Variants in OGDH observed in about 807,000 individuals in gnomAD.
The protein encoded by OGDH is oxoglutarate dehydrogenase.
Under a neutral mutation model 116.6 loss-of-function variants are expected in OGDH, and 38 were observed. The observed-to-expected ratio is 0.33, with a 90% CI of 0.25 to 0.43. The LOEUF is 0.43. Among genes scored for constraint, OGDH ranks in the 20% least tolerant of loss-of-function variants. The probability of loss-of-function intolerance (pLI) is 1.00; values close to 1 mark genes in which losing one functional copy is unlikely to be tolerated. For missense variants in OGDH, 825 were observed against 1,357.2 expected (o/e 0.61, Z 6.16); for synonymous variants, 488 against 533.3 (o/e 0.92, Z 1.17).
chr7:44,673,142 G>A (rs1190920111), intron 5 of OGDH, among the ~76,000 whole-genome samples: 3 of 151,992 alleles, frequency 2.0e-5, no homozygotes, highest in Admixed American at 2.0e-4. Context: ...GAGGCAGAAG[G>A]ATCATTTGAG....
At chr7:44,647,297 C>T in intron 3 of OGDH, 2 of 605,208 alleles carry the variant, frequency 3.3e-6, no homozygotes, top group South Asian at 4.1e-5. Flanking sequence ...ATAAGTTATT[C>T]CAAGACTTTT....
In OGDH at chr7:44,654,254, C is replaced by T. The variant is rs140476358; in HGVS notation, c.517+6495C>T. Among the ~76,000 whole-genome samples the T allele has an allele frequency of 5.8e-3, 880 of 152,256 alleles. 10 individuals are homozygous for T. The highest frequency in any genetic ancestry group is 0.019 in the African/African-American group (803 of 41,534). ...AAGTGTGAAACTTCTCTCCCATTTA[C>T]CATTGATGTTTACAAATTGCTAATA... is the stretch of plus-strand genomic sequence containing the variant. On this transcript the variant is annotated intron_variant, in intron 4 of 22. Coordinates refer to ENST00000222673, the MANE Select transcript of OGDH (RefSeq NM_002541.4).
At chr7:44,613,505 G>T (rs968367263) in intron 1 of OGDH, among the ~76,000 whole-genome samples, 1 of 151,278 alleles carries the variant, frequency 6.6e-6, no homozygotes, top group African/African-American at 2.4e-5. Flanking sequence ...GACTATAGGC[G>T]CCCACCACCA....
rs554867311 is a variant in OGDH, at chr7:44,640,444, TTTTTG to T, written c.223-4868_223-4864del. Among the ~76,000 whole-genome samples the T allele has an allele frequency of 7.6e-3, 1,159 of 152,254 alleles. 2 individuals are homozygous for T. The highest frequency in any genetic ancestry group is 9.4e-3 in the African/African-American group (391 of 41,536). On this transcript the variant is annotated intron_variant, in intron 2 of 22. Coordinates refer to ENST00000222673, the MANE Select transcript of OGDH (RefSeq NM_002541.4). ...TATCCCTGCTGCTATTGGTGGGTTT[TTTTTG>T]TTTTGTTTTGTTTTACTATTTTAAT...
At chr7:44,685,595 A>C (rs1415935617) in intron 10 of OGDH, among the ~76,000 whole-genome samples, 1 of 151,974 alleles carries the variant, frequency 6.6e-6, no homozygotes, top group Non-Finnish European at 1.5e-5. Flanking sequence ...ATGTCTGTCC[A>C]TATATCTCTT....
At chr7:44,625,369 C>T (rs1785165554) in intron 2 of OGDH, among the ~76,000 whole-genome samples, 1 of 152,182 alleles carries the variant, frequency 6.6e-6, no homozygotes. Flanking sequence ...AAGTGATCCA[C>T]CCACCTTGGC....
intron 4 of OGDH, among the ~76,000 whole-genome samples, chr7:44,655,600 G>A (rs1786654393): frequency 6.6e-6 from 1 of 152,194 alleles, no homozygotes; most frequent in Admixed American, 6.5e-5. Flanking sequence ...CCATCCCCCA[G>A]GCCCACAAGC....
intron 2 of OGDH, among the ~76,000 whole-genome samples, chr7:44,633,246 CTG>C (rs905636225): frequency 2.0e-5 from 2 of 102,334 alleles, no homozygotes; most frequent in African/African-American, 7.5e-5. Context: ...GAGCGAGACT[CTG>C]TGTCAAAAAA....
chr7:44,646,079 G>C (rs1185448517), intron 3 of OGDH, among the ~76,000 whole-genome samples: 2 of 152,184 alleles, frequency 1.3e-5, no homozygotes, highest in Non-Finnish European at 2.9e-5. Context: ...GTGTTGAGCA[G>C]GACAAGGTTT....
rs556338651 is a variant in OGDH, at chr7:44,697,190, C to A, written c.2051+126C>A. The A allele has an allele frequency of 6.8e-6, 10 of 1,469,196 alleles. No homozygotes were observed. In the African/African-American group the frequency reaches 1.1e-4, roughly 16 times the overall value. The allele number at this position is 1,469,196 out of a possible 1,614,324, so 91.0% of individuals were successfully genotyped here. ...GTCACATTGCTCTCAGGCTGAAAAC[C>A]TCTGTCCCTCATTTGCTATGGGTGC... is the stretch of plus-strand genomic sequence containing the variant. On this transcript the variant is annotated intron_variant, in intron 15 of 22. Coordinates refer to ENST00000222673, the MANE Select transcript of OGDH (RefSeq NM_002541.4). The surrounding 1 kb of genome is among the most constrained non-coding windows in gnomAD (Gnocchi z 6.0).
In OGDH at chr7:44,707,218, C is replaced by T; in HGVS notation, c.2633-7C>T. 10 of 1,613,848 alleles carry T rather than the reference C, an allele frequency of 6.2e-6. No individual in the cohort carries two copies. Among genetic ancestry groups the T allele is most frequent in the South Asian group, 1.1e-5 (1 of 91,066 alleles). On this transcript the variant is annotated splice_polypyrimidine_tract_variant and splice_region_variant and intron_variant, in intron 20 of 22. Coordinates refer to ENST00000222673, the MANE Select transcript of OGDH (RefSeq NM_002541.4). The surrounding 1 kb of genome is among the most constrained non-coding windows in gnomAD (Gnocchi z 5.2). ...GAACCAGCCTAGCCATGGGAACTCTCTTGTAGGAACCCACTTCCAGCGGGT... is the reference window on the plus strand; with the variant it reads ...GAACCAGCCTAGCCATGGGAACTCTTTTGTAGGAACCCACTTCCAGCGGGT...
At chr7:44,685,829 GC>G (rs1788104603) in intron 10 of OGDH, among the ~76,000 whole-genome samples, 1 of 151,544 alleles carries the variant, frequency 6.6e-6, no homozygotes, top group South Asian at 2.1e-4. Flanking sequence ...TCTCTATGTT[GC>G]CCAGGCTGCT....
intron 2 of OGDH, among the ~76,000 whole-genome samples, chr7:44,626,303 CCCTACA>C (rs1017987288): frequency 3.5e-5 from 5 of 142,814 alleles, no homozygotes; most frequent in Admixed American, 2.7e-4. Context: ...ACACACACAC[CCCTACA>C]CACACACACA....
At chr7:44,681,533 G>C (rs1226420663) in intron 9 of OGDH, among the ~76,000 whole-genome samples, 187 bp from the exon 10 acceptor site, 1 of 152,212 alleles carries the variant, frequency 6.6e-6, no homozygotes, top group Non-Finnish European at 1.5e-5. Context: ...TGTTGGTGTT[G>C]AGCAGATATA....
intron 10 of OGDH, among the ~76,000 whole-genome samples, chr7:44,683,195 T>A (rs1013056279): frequency 2.0e-5 from 3 of 152,192 alleles, no homozygotes; most frequent in Non-Finnish European, 4.4e-5. Context: ...AAATAGATTT[T>A]AATACATTAT....
At chr7:44,625,768 T>C (rs1785178424) in intron 2 of OGDH, among the ~76,000 whole-genome samples, 1 of 152,222 alleles carries the variant, frequency 6.6e-6, no homozygotes, top group East Asian at 1.9e-4. Context: ...ACTGGGCTCC[T>C]GTAAACAAGC....
At chr7:44,646,880 T>C (rs1404471686) in intron 3 of OGDH, among the ~76,000 whole-genome samples, 1 of 152,192 alleles carries the variant, frequency 6.6e-6, no homozygotes, top group Non-Finnish European at 1.5e-5. Flanking sequence ...GATGACCTCT[T>C]ATCTGCACTC....
At chr7:44,688,907 G>T (rs1788249029) in intron 10 of OGDH, among the ~76,000 whole-genome samples, 1 of 151,678 alleles carries the variant, frequency 6.6e-6, no homozygotes, top group Non-Finnish European at 1.5e-5. Flanking sequence ...GCACCACCAT[G>T]CCCGGCTAAT....
chr7:44,687,937 C>T (rs1788202376), intron 10 of OGDH, among the ~76,000 whole-genome samples: 1 of 152,110 alleles, frequency 6.6e-6, no homozygotes, highest in Non-Finnish European at 1.5e-5. Flanking sequence ...TCCTCCCAAG[C>T]CCTAAGCAAC....
Sources: gnomAD v4.1 joint callset for allele counts (sites outside exome capture counted in the v4.1 genomes callset) on GRCh38, gnomAD v4.1.1 for gene constraint, Gnocchi (gnomAD v3.1) non-coding constraint, MANE v1.5 for transcripts, NCBI Gene and HGNC (gene_info 2026-07-23, HGNC 2026-07-21) for gene names.